The following RBFOX1 variants were observed in gnomAD, a reference collection of about 807,000 sequenced individuals.
The protein encoded by RBFOX1 is RNA binding fox-1 homolog 1, also known as RNA binding protein fox-1 homolog 1.
Under a neutral mutation model 57.7 loss-of-function variants are expected in RBFOX1, and 8 were observed. That is an observed-to-expected ratio of 0.14 (90% CI 0.08 to 0.25). The LOEUF (loss-of-function observed/expected upper bound fraction) is 0.25, where lower values mean the gene tolerates loss of function less well. Among genes scored for constraint, RBFOX1 ranks in the 10% least tolerant of loss-of-function variants. The pLI is 1.00. For synonymous variants in RBFOX1, 326 were observed against 222.4 expected (o/e 1.47, Z -4.15); for missense variants, 611 against 548.5 (o/e 1.11, Z -1.14).
At chr16:6,882,589 C>T (rs961535765) in intron 3 of RBFOX1, among the ~76,000 whole-genome samples, 9 of 151,998 alleles carry the variant, frequency 5.9e-5, no homozygotes, top group African/African-American at 2.2e-4. Context: ...GAGTTAAACT[C>T]TGAAAATAAA....
chr16:7,175,192 C>T (rs560041511), intron 4 of RBFOX1, among the ~76,000 whole-genome samples: 68 of 152,086 alleles, frequency 4.5e-4, no homozygotes, highest in South Asian at 8.4e-4. Flanking sequence ...TAATACTCTT[C>T]CTCCTATCCA....
At chr16:6,686,713 A>T (rs987615929) in intron 3 of RBFOX1, among the ~76,000 whole-genome samples, 1 of 152,168 alleles carries the variant, frequency 6.6e-6, no homozygotes. Flanking sequence ...TTGTGAGACT[A>T]ACCTTCCCAT....
chr16:5,439,268 G>C (rs1203647284), intron 1 of RBFOX1, among the ~76,000 whole-genome samples: 1 of 152,132 alleles, frequency 6.6e-6, no homozygotes, highest in African/African-American at 2.4e-5. Flanking sequence ...GCGAGGACTG[G>C]ATCCATGTGG....
intron 11 of RBFOX1, among the ~76,000 whole-genome samples, chr16:7,632,556 T>C (rs1447956228): frequency 6.6e-6 from 1 of 152,228 alleles, no homozygotes; most frequent in African/African-American, 2.4e-5. Flanking sequence ...TTATTCAACC[T>C]TCAGCTACCT....
intron 2 of RBFOX1, among the ~76,000 whole-genome samples, chr16:6,355,647 C>G (rs900664249): frequency 2.6e-5 from 4 of 152,096 alleles, no homozygotes; most frequent in African/African-American, 7.2e-5. Context: ...TGAGTATATA[C>G]CCAATAATGG....
intron 3 of RBFOX1, among the ~76,000 whole-genome samples, chr16:6,865,950 A>G (rs1256607670): frequency 6.6e-6 from 1 of 152,206 alleles, no homozygotes; most frequent in Non-Finnish European, 1.5e-5. Context: ...TTGCACAGTA[A>G]TGTCTAAATC....
At chr16:7,386,608 C>G (rs921590403) in intron 4 of RBFOX1, among the ~76,000 whole-genome samples, 5 of 152,186 alleles carry the variant, frequency 3.3e-5, no homozygotes, top group African/African-American at 1.2e-4. Context: ...GCCACATTTT[C>G]TTTATTCAGT....
At chr16:7,114,631 C>T (rs970866507) in intron 4 of RBFOX1, among the ~76,000 whole-genome samples, 1 of 152,168 alleles carries the variant, frequency 6.6e-6, no homozygotes, top group Non-Finnish European at 1.5e-5. Flanking sequence ...TCTGAAACGC[C>T]TTTTCTTCCT....
At chr16:5,724,658 T>C (rs2052067414) in intron 3 of RBFOX1, among the ~76,000 whole-genome samples, 4 of 152,122 alleles carry the variant, frequency 2.6e-5, no homozygotes, top group East Asian at 1.9e-4. Context: ...GTTTCTCAAA[T>C]AGAGATGGTT....
intron 1 of RBFOX1, among the ~76,000 whole-genome samples, chr16:5,446,457 C>T (rs1197979070): frequency 6.6e-6 from 1 of 152,032 alleles, no homozygotes; most frequent in Non-Finnish European, 1.5e-5. Context: ...GAAGATTCTA[C>T]CTCTTTAGCC....
At chr16:6,486,981 C>G (rs1376038653) in intron 2 of RBFOX1, among the ~76,000 whole-genome samples, 1 of 152,058 alleles carries the variant, frequency 6.6e-6, no homozygotes, top group East Asian at 1.9e-4. Context: ...AGATAAAACG[C>G]CTTTAAAAGT....
chr16:6,559,597 T>G (rs2097152598), intron 2 of RBFOX1, among the ~76,000 whole-genome samples: 1 of 148,790 alleles, frequency 6.7e-6, no homozygotes, highest in Non-Finnish European at 1.5e-5. Context: ...GACGTGTGGG[T>G]GTATGTGTAT....
At chr16:6,051,812 C>T (rs988437164) in intron 1 of RBFOX1, among the ~76,000 whole-genome samples, 1 of 152,176 alleles carries the variant, frequency 6.6e-6, no homozygotes. Context: ...GATCCACCCA[C>T]CCTGGCCTCC....
At chr16:7,672,744 G>T (rs1021811647) in intron 13 of RBFOX1, among the ~76,000 whole-genome samples, 1 of 151,642 alleles carries the variant, frequency 6.6e-6, no homozygotes, top group African/African-American at 2.4e-5. Flanking sequence ...GCACATGCCT[G>T]CAGTCCCAGC....
chr16:5,729,030 C>A (rs1197284959), intron 3 of RBFOX1, among the ~76,000 whole-genome samples: 1 of 152,186 alleles, frequency 6.6e-6, no homozygotes, highest in Non-Finnish European at 1.5e-5. Flanking sequence ...GAAATCATCC[C>A]AATACTCTCA....
intron 4 of RBFOX1, among the ~76,000 whole-genome samples, chr16:7,234,689 G>GTATATATATATATGTTATATATATGTA (rs58239562): frequency 6.8e-6 from 1 of 146,682 alleles, no homozygotes; most frequent in African/African-American, 2.5e-5. Flanking sequence ...ATATATATAT[G>GTATATATATATATGTTATATATATGTA]TATATATATA....
At chr16:6,892,919 G>C (rs2065873332) in intron 3 of RBFOX1, among the ~76,000 whole-genome samples, 1 of 150,992 alleles carries the variant, frequency 6.6e-6, no homozygotes, top group Non-Finnish European at 1.5e-5. Context: ...TTGCTCCTCA[G>C]CTATTCTTGC....
Position 7,450,606 on chromosome 16 carries a change from C to T in RBFOX1, c.28-67541C>T, listed in dbSNP as rs906114115. Among the ~76,000 whole-genome samples the T allele has an allele frequency of 3.9e-5, 6 of 152,202 alleles. No individual in the cohort carries two copies. In the East Asian group the frequency reaches 5.8e-4, roughly 15 times the overall value. Reference sequence around the variant, plus strand: ...GAGGAAAAGAGCGTTAATGTGACATCTGGGATTCCAGGCTCCTTTCCAGAC... The same window carrying T: ...GAGGAAAAGAGCGTTAATGTGACATTTGGGATTCCAGGCTCCTTTCCAGAC... On this transcript the variant is annotated intron_variant, in intron 4 of 15. Transcript: ENST00000550418.
At chr16:6,337,926 C>A (rs2083999266) in intron 2 of RBFOX1, among the ~76,000 whole-genome samples, 1 of 152,094 alleles carries the variant, frequency 6.6e-6, no homozygotes, top group Non-Finnish European at 1.5e-5. Flanking sequence ...TATCTCAGTC[C>A]CAATGCATGC....
Sources: gnomAD v4.1 joint callset for allele counts (sites outside exome capture counted in the v4.1 genomes callset) on GRCh38, gnomAD v4.1.1 for gene constraint, MANE v1.5 for transcripts, NCBI Gene and HGNC (gene_info 2026-07-23, HGNC 2026-07-21) for gene names.